The following UBXN8 variants were observed in gnomAD, a reference collection of about 807,000 sequenced individuals.
UBXN8 encodes the protein UBX domain-containing protein 8.
In UBXN8, 27 loss-of-function variants were observed where a neutral mutation model predicts 32.1. The observed-to-expected ratio is 0.84, with a 90% CI of 0.62 to 1.16. The LOEUF (loss-of-function observed/expected upper bound fraction) is 1.16, where lower values mean the gene tolerates loss of function less well. Ranked by LOEUF, UBXN8 falls within the 50% of genes most tolerant of loss-of-function variation. The probability of loss-of-function intolerance (pLI) is 0.00; values close to 1 mark genes in which losing one functional copy is unlikely to be tolerated. For missense variants in UBXN8, 306 were observed against 311.4 expected (o/e 0.98, Z 0.13); for synonymous variants, 109 against 111.8 (o/e 0.98, Z 0.16).
chr8:30,748,079 T>TA (rs1350030784), intron 1 of UBXN8, among the ~76,000 whole-genome samples: 1 of 150,186 alleles, frequency 6.7e-6, no homozygotes, highest in Non-Finnish European at 1.5e-5. Context: ...TTCTACTGTG[T>TA]AAAAACCTTT....
At chr8:30,739,579 C>G (rs73583325), upstream of UBXN8, among the ~76,000 whole-genome samples, 652 of 152,076 alleles carry the variant, frequency 4.3e-3, 4 homozygotes, top group African/African-American at 0.014. Context: ...CTAAATCACA[C>G]ACACAAATGA....
At chr8:30,760,988 C>G (rs762988732) in intron 6 of UBXN8, 59 bp downstream of exon 6, 41 of 1,217,280 alleles carry the variant, frequency 3.4e-5, no homozygotes, top group Non-Finnish European at 3.9e-5. Context: ...TGCTTAACAT[C>G]CATTAAATAT....
chr8:30,760,313 G>A (rs1373296782), intron 5 of UBXN8, among the ~76,000 whole-genome samples: 7 of 149,168 alleles, frequency 4.7e-5, no homozygotes, highest in African/African-American at 1.2e-4. Context: ...CACCTGCCTC[G>A]GCCTCCCAGT....
chr8:30,756,934 G>C, intron 5 of UBXN8, 47 bp downstream of exon 5: 2 of 1,609,558 alleles, frequency 1.2e-6, no homozygotes, highest in Non-Finnish European at 1.7e-6. Flanking sequence ...TGTGCAGTAG[G>C]AGTATTGAAC....
chr8:30,750,115 G>GTACA (rs2128754000), intron 1 of UBXN8, among the ~76,000 whole-genome samples: 1 of 152,212 alleles, frequency 6.6e-6, no homozygotes, highest in South Asian at 2.1e-4. Flanking sequence ...CCAAAGGAGA[G>GTACA]TACAGTAAAC....
At chr8:30,743,144 T>C (rs550791232), upstream of UBXN8, among the ~76,000 whole-genome samples, 56 of 137,182 alleles carry the variant, frequency 4.1e-4, 1 homozygote, top group African/African-American at 1.4e-3. Flanking sequence ...CCAGGAAATA[T>C]AATTTCTTTC....
At chr8:30,741,101 A>C (rs1234015688), upstream of UBXN8, among the ~76,000 whole-genome samples, 3 of 151,850 alleles carry the variant, frequency 2.0e-5, no homozygotes, top group African/African-American at 7.3e-5. Context: ...ACCACCTTAA[A>C]CCACTCTAAC....
upstream of UBXN8, among the ~76,000 whole-genome samples, chr8:30,731,324 G>A (rs912139963): frequency 2.0e-5 from 3 of 152,122 alleles, no homozygotes; most frequent in South Asian, 2.1e-4. Context: ...GGTAGTAACC[G>A]GCCCAGTCGC....
At chr8:30,757,725 G>A (rs1479467614) in intron 5 of UBXN8, among the ~76,000 whole-genome samples, 1 of 151,528 alleles carries the variant, frequency 6.6e-6, no homozygotes, top group East Asian at 2.0e-4. Context: ...CAGGTGCAGT[G>A]GCAGGCGCCT....
Position 30,751,498 on chromosome 8 carries a change from C to T in UBXN8, c.191C>T (p.Ser64Phe). 1 of 1,606,842 alleles carries T rather than the reference C, an allele frequency of 6.2e-7. No individual in the cohort carries two copies. Among genetic ancestry groups the T allele is most frequent in the Non-Finnish European group, 8.5e-7 (1 of 1,176,624 alleles). ...ACCTCATGGCTTAACTCATTTAAAT[C>T]TCCCCAAGTTTATCTGAAGGGTAAG... ...VTTSWLNSFK[S>F]PQVYLKEEEE... Residue 64 changes from serine (S) to phenylalanine (F), a missense_variant, in exon 2 of 8, where the codon TCT (serine) becomes TTT (phenylalanine). By Grantham distance (155) the Ser-to-Phe change is radical (BLOSUM62 -2). Coordinates refer to ENST00000265616, the MANE Select transcript of UBXN8 (RefSeq NM_005671.4).
At chr8:30,755,438 G>A (rs1805630851) in intron 4 of UBXN8, among the ~76,000 whole-genome samples, 1 of 151,968 alleles carries the variant, frequency 6.6e-6, no homozygotes, top group Non-Finnish European at 1.5e-5. Flanking sequence ...GTGGTTTTTG[G>A]TGCCTAAAGA....
intron 5 of UBXN8, among the ~76,000 whole-genome samples, chr8:30,758,741 A>G (rs765619204): frequency 3.9e-5 from 6 of 152,186 alleles, no homozygotes; most frequent in Non-Finnish European, 8.8e-5. Flanking sequence ...TGACAGTCAC[A>G]TATGCTTTTG....
At chr8:30,762,836 AAAAT>A (rs1805890492) in intron 6 of UBXN8, among the ~76,000 whole-genome samples, 1 of 151,922 alleles carries the variant, frequency 6.6e-6, no homozygotes, top group African/African-American at 2.4e-5. Context: ...TGACAGGTGA[AAAAT>A]AAACACTAAT....
At position 30,757,925 on chromosome 8, in the gene UBXN8, C is replaced by T. The variant is rs532047274; in HGVS notation, c.528+1038C>T. ...TTTTTGAGACAGAGTCTCACTCTGT[C>T]GCCCAGACTGGAATACAGTGGTGAA... On this transcript the variant is annotated intron_variant, in intron 5 of 7. Coordinates refer to ENST00000265616, the MANE Select transcript of UBXN8 (RefSeq NM_005671.4). Among the ~76,000 whole-genome samples, 18 of 151,316 alleles carry T rather than the reference C, an allele frequency of 1.2e-4. No individual in the cohort carries two copies. In the East Asian group the frequency reaches 1.4e-3, roughly 12 times the overall value.
intron 4 of UBXN8, 123 bp downstream of exon 4, chr8:30,754,910 G>A: frequency 9.6e-7 from 1 of 1,041,054 alleles, no homozygotes; most frequent in Non-Finnish European, 1.3e-6. Context: ...ATGATTATCA[G>A]TTTTTGTTCA....
intron 5 of UBXN8, among the ~76,000 whole-genome samples, chr8:30,759,398 C>A (rs539366573): frequency 6.6e-5 from 10 of 151,458 alleles, no homozygotes; most frequent in African/African-American, 2.4e-4. Context: ...CCACGCCTAG[C>A]TCATTTTTGT....
At chr8:30,763,379 TC>T in intron 7 of UBXN8, 32 bp downstream of exon 7, 1 of 1,602,860 alleles carries the variant, frequency 6.2e-7, no homozygotes. Context: ...TTGAGAAATA[TC>T]TTTGTTGAAT....
intron 1 of UBXN8, among the ~76,000 whole-genome samples, chr8:30,745,332 G>A (rs1279243424): frequency 6.6e-6 from 1 of 152,152 alleles, no homozygotes; most frequent in Non-Finnish European, 1.5e-5. Context: ...AGCAAACCTA[G>A]GTATTTGGTA....
rs1232082063 is a variant in UBXN8 at position 30,746,961 on chromosome 8, C to T, written c.88+2684C>T. ...CATGAGGTCAAGTAATCGAGACCAT[C>T]CTGGCCAACATGGTGAAACGCTGTC... On this transcript the variant is annotated intron_variant, in intron 1 of 7. Coordinates refer to ENST00000265616, the MANE Select transcript of UBXN8 (RefSeq NM_005671.4). Among the ~76,000 whole-genome samples the T allele has an allele frequency of 8.6e-5, 12 of 140,154 alleles. 2 individuals are homozygous for T. Among genetic ancestry groups the T allele is most frequent in the African/African-American group, 3.3e-4 (12 of 36,068 alleles). The allele number at this position is 140,154 out of a possible 152,430, so 91.9% of individuals were successfully genotyped here.
Sources: allele counts gnomAD v4.1 joint callset (sites outside exome capture counted in the v4.1 genomes callset), GRCh38; gene constraint gnomAD v4.1.1; transcripts MANE v1.5; gene names NCBI Gene and HGNC (gene_info 2026-07-23, HGNC 2026-07-21).